LIMCH1: variants seen among roughly 807,000 people sequenced by gnomAD.
LIMCH1 encodes the protein LIM and calponin homology domains-containing protein 1.
In LIMCH1, 113 loss-of-function variants were observed where a neutral mutation model predicts 176.5. The observed-to-expected ratio is 0.64, with a 90% CI of 0.55 to 0.75. The LOEUF is 0.75. Ranked by LOEUF, LIMCH1 falls within the 30% of genes least tolerant of loss-of-function variation. The pLI, the probability that LIMCH1 is intolerant of heterozygous loss-of-function variation, is 0.00. For missense variants in LIMCH1, 1,674 were observed against 1,814.9 expected, an observed-to-expected ratio of 0.92 and a Z score of 1.41; for synonymous variants, 619 against 645.9, an observed-to-expected ratio of 0.96 and a Z score of 0.63.
intron 18 of LIMCH1, among the ~76,000 whole-genome samples, chr4:41,652,542 A>G (rs1430208079): frequency 2.0e-5 from 3 of 152,208 alleles, no homozygotes; most frequent in African/African-American, 7.2e-5. Flanking sequence ...TGAGAACTTA[A>G]CTGATAGAGT....
intron 3 of LIMCH1, among the ~76,000 whole-genome samples, chr4:41,604,984 G>A (rs2090497768): frequency 1.3e-5 from 2 of 152,030 alleles, no homozygotes; most frequent in African/African-American, 4.8e-5. Flanking sequence ...TTCCCAGACT[G>A]GCTGAAGCGA....
intron 1 of LIMCH1, among the ~76,000 whole-genome samples, chr4:41,474,816 C>T (rs796453670): frequency 2.8e-4 from 43 of 152,294 alleles, no homozygotes; most frequent in African/African-American, 9.9e-4. Context: ...CAGCATCCCA[C>T]CAATGGGCAT....
At position 41,620,704 on chromosome 4, in the gene LIMCH1, T is replaced by C. The variant is rs1210261354; in HGVS notation, c.725+14T>C. The C allele has an allele frequency of 2.6e-6, 4 of 1,524,354 alleles. No individual in the cohort carries two copies. Among genetic ancestry groups the C allele is most frequent in the Non-Finnish European group, 3.5e-6 (4 of 1,139,530 alleles). The allele number at this position is 1,524,354 out of a possible 1,614,324, so 94.4% of individuals were successfully genotyped here. ...GCGCTTTGCCAGGTCAGCTCTGGGC[T>C]GAGGGCTGGCCCGGCTGGCTTTCTG... is the stretch of plus-strand genomic sequence containing the variant. On this transcript the variant is annotated intron_variant, in intron 7 of 31. Transcript: ENST00000503057.
At chr4:41,674,133 T>C (rs7699513) in intron 22 of LIMCH1, among the ~76,000 whole-genome samples, 16,510 of 152,266 alleles carry the variant, frequency 0.11, 1,208 homozygotes, top group Middle Eastern at 0.25. Flanking sequence ...TACCCACTGC[T>C]TTCCTCTGTT....
At position 41,388,396 on chromosome 4, in the gene LIMCH1, T is replaced by C. The variant is rs1197222176; in HGVS notation, c.96+27460T>C. ...AAACCAGATGCGAAAGACTGTACAT[T>C]GTGTTATTCCATTTATATGTGATGT... On this transcript the variant is annotated intron_variant, in intron 1 of 26. Coordinates refer to the LIMCH1 transcript ENST00000313860. Among the ~76,000 whole-genome samples, 4 of 152,312 alleles carry C rather than the reference T, an allele frequency of 2.6e-5. No individual in the cohort carries two copies. In the East Asian group the frequency reaches 7.7e-4, roughly 29 times the overall value.
intron 26 of LIMCH1, 62 bp from the exon 27 acceptor site, chr4:41,684,335 C>T: frequency 1.3e-6 from 2 of 1,524,616 alleles, no homozygotes; most frequent in Non-Finnish European, 1.8e-6. Context: ...AGTTATAGGA[C>T]CAAGAAGTTC....
rs73146384 is a variant in LIMCH1, at chr4:41,585,182, A to G, written c.-240-13738A>G. The stretch of plus-strand genomic sequence containing the variant: ...CACAAACTAAAACTTTTTACTTATT[A>G]AACAACAACTACCCATTATCCCCTA... On this transcript the variant is annotated intron_variant, in intron 1 of 31. Coordinates refer to ENST00000503057, the MANE Select transcript of LIMCH1 (RefSeq NM_001330672.2). Among the ~76,000 whole-genome samples the G allele has an allele frequency of 9.3e-3, 1,421 of 152,248 alleles. 18 individuals are homozygous for G. Among genetic ancestry groups the G allele is most frequent in the African/African-American group, 0.033 (1,366 of 41,534 alleles).
chr4:41,440,988 A>G (rs1480908344), intron 1 of LIMCH1, among the ~76,000 whole-genome samples: 1 of 152,164 alleles, frequency 6.6e-6, no homozygotes, highest in Non-Finnish European at 1.5e-5. Flanking sequence ...CTGATTGTTC[A>G]CAGATTCTTT....
At chr4:41,598,053 C>G (rs1413536348) in intron 1 of LIMCH1, among the ~76,000 whole-genome samples, 1 of 152,192 alleles carries the variant, frequency 6.6e-6, no homozygotes, top group Admixed American at 6.5e-5. Flanking sequence ...CATTCCCTAT[C>G]CTGTAGTTTT....
intron 1 of LIMCH1, among the ~76,000 whole-genome samples, chr4:41,469,020 C>T (rs77313297): frequency 0.051 from 7,757 of 152,212 alleles, 404 homozygotes; most frequent in African/African-American, 0.13. Flanking sequence ...TTCACTCCAA[C>T]GTAGTCAAAC....
At chr4:41,608,964 C>G (rs1214922199) in intron 4 of LIMCH1, among the ~76,000 whole-genome samples, 1 of 152,164 alleles carries the variant, frequency 6.6e-6, no homozygotes, top group African/African-American at 2.4e-5. Context: ...TTGCTTCTAG[C>G]TCCTTGCCCA....
intron 1 of LIMCH1, among the ~76,000 whole-genome samples, chr4:41,580,870 A>T (rs35634203): frequency 0.039 from 5,908 of 152,314 alleles, 133 homozygotes; most frequent in Admixed American, 0.065. Flanking sequence ...TCATTTTGAG[A>T]CTTGTATAAA....
chr4:41,464,742 C>G (rs1313594968), intron 1 of LIMCH1, among the ~76,000 whole-genome samples: 3 of 152,122 alleles, frequency 2.0e-5, no homozygotes, highest in African/African-American at 7.2e-5. Context: ...TTTTTTCTGT[C>G]TGAAATTTAA....
intron 1 of LIMCH1, among the ~76,000 whole-genome samples, chr4:41,467,094 G>C (rs976261312): frequency 1.3e-5 from 2 of 149,822 alleles, no homozygotes; most frequent in African/African-American, 4.9e-5. Flanking sequence ...TTATAGTGTG[G>C]ATCAGAATTG....
chr4:41,443,003 A>G (rs1043470063), intron 1 of LIMCH1, among the ~76,000 whole-genome samples: 1 of 152,206 alleles, frequency 6.6e-6, no homozygotes, highest in Non-Finnish European at 1.5e-5. Flanking sequence ...TGCCAATATT[A>G]GATGCTAGAT....
At chr4:41,660,575 A>C (rs2094585567) in intron 18 of LIMCH1, among the ~76,000 whole-genome samples, 1 of 152,218 alleles carries the variant, frequency 6.6e-6, no homozygotes, top group Admixed American at 6.5e-5. Context: ...CAAATGATGA[A>C]TATTCATGAG....
At chr4:41,568,146 CCTT>C (rs2083024137) in intron 1 of LIMCH1, among the ~76,000 whole-genome samples, 1 of 152,096 alleles carries the variant, frequency 6.6e-6, no homozygotes, top group South Asian at 2.1e-4. Flanking sequence ...GAGCGAGACT[CCTT>C]CTCAAAAAAG....
intron 1 of LIMCH1, among the ~76,000 whole-genome samples, chr4:41,371,155 C>A (rs762144144): frequency 6.6e-6 from 1 of 152,168 alleles, no homozygotes; most frequent in Non-Finnish European, 1.5e-5. Context: ...CAAGTAACTA[C>A]CTAACCAAGC....
rs762094360 is a variant in LIMCH1 at position 41,598,946 on chromosome 4, T to C, written c.-214T>C. ...ACAATATTATCTTATTCTTGAGAGG[T>C]TGTAAAGAGCTCGGCCTTAAAGAAT... is the stretch of plus-strand genomic sequence containing the variant. On this transcript the variant is annotated 5_prime_UTR_variant, in exon 2 of 32. Coordinates refer to ENST00000503057, the MANE Select transcript of LIMCH1 (RefSeq NM_001330672.2). 5 of 1,609,670 alleles carry C rather than the reference T, an allele frequency of 3.1e-6. No individual in the cohort carries two copies. The highest frequency in any genetic ancestry group is 1.1e-5 in the South Asian group (1 of 90,966).
Sources: gnomAD v4.1 joint callset for allele counts (sites outside exome capture counted in the v4.1 genomes callset) on GRCh38, gnomAD v4.1.1 for gene constraint, MANE v1.5 for transcripts, NCBI Gene and HGNC (gene_info 2026-07-23, HGNC 2026-07-21) for gene names.